Variants in PLS1 observed in about 807,000 individuals in gnomAD.
The protein encoded by PLS1 is plastin-1.
PLS1 carries 32 observed loss-of-function variants against 73.7 expected under a neutral mutation model. That is an observed-to-expected ratio of 0.43 (90% CI 0.33 to 0.58). PLS1 has a LOEUF of 0.58. Ranked by LOEUF, PLS1 falls within the 20% of genes least tolerant of loss-of-function variation. PLS1 has a pLI of 0.04. For synonymous variants in PLS1, 217 were observed against 261.3 expected (o/e 0.83, Z 1.63); for missense variants, 633 against 740.5 (o/e 0.85, Z 1.68).
At chr3:142,711,833 C>A in intron 15 of PLS1, 39 bp from the exon 16 acceptor site, 1 of 1,594,592 alleles carries the variant, frequency 6.3e-7, no homozygotes, top group Admixed American at 1.7e-5. Flanking sequence ...AGTGAAAACA[C>A]AGTGGATAAC....
In PLS1 at chr3:142,671,041, A is replaced by G; in HGVS notation, c.283A>G (p.Ile95Val). The G allele has an allele frequency of 6.2e-7, 1 of 1,603,676 alleles. No individual in the cohort carries two copies. Among genetic ancestry groups the G allele is most frequent in the Non-Finnish European group, 8.5e-7 (1 of 1,171,574 alleles). ...AGATATCAGCAAAACATTCCGAAAA[A>G]TAATTAACAAGAGGGAAGGGATTAC... ...SKDISKTFRK[I>V]INKREGITAI... Residue 95 changes from isoleucine (I) to valine (V), a missense_variant, in exon 4 of 16, where the codon ATA (isoleucine) becomes GTA (valine). Physicochemically the swap from Ile to Val is conservative, Grantham distance 29 (BLOSUM62 3). Transcript: ENST00000457734.
intron 1 of PLS1, among the ~76,000 whole-genome samples, chr3:142,663,660 T>TA (rs1172748495): frequency 1.3e-5 from 2 of 152,122 alleles, no homozygotes; most frequent in South Asian, 2.1e-4. Flanking sequence ...AATCATGCCA[T>TA]AAAAAAGAAG....
chr3:142,701,084 C>G (rs571451719), intron 12 of PLS1, among the ~76,000 whole-genome samples: 71 of 152,314 alleles, frequency 4.7e-4, no homozygotes, highest in South Asian at 1.0e-3. Context: ...TGAAAACAGA[C>G]TAATACAGTA....
At chr3:142,706,646 G>T (rs1194946309) in intron 14 of PLS1, among the ~76,000 whole-genome samples, 1 of 152,134 alleles carries the variant, frequency 6.6e-6, no homozygotes, top group Non-Finnish European at 1.5e-5. Context: ...TAGTGTAACT[G>T]CAAGGACAAT....
chr3:142,632,784 A>G (rs1384244584), intron 1 of PLS1, among the ~76,000 whole-genome samples: 1 of 152,104 alleles, frequency 6.6e-6, no homozygotes, highest in Non-Finnish European at 1.5e-5. Flanking sequence ...TTTTTAGTAG[A>G]AATGGGGTTT....
chr3:142,675,129 T>TA (rs1366667169), intron 4 of PLS1, among the ~76,000 whole-genome samples: 5 of 152,228 alleles, frequency 3.3e-5, no homozygotes, highest in African/African-American at 4.8e-5. Flanking sequence ...TGTTGTAAGC[T>TA]AAAAATCACA....
At chr3:142,706,350 C>T (rs191229053) in intron 14 of PLS1, among the ~76,000 whole-genome samples, 252 of 151,886 alleles carry the variant, frequency 1.7e-3, no homozygotes, top group African/African-American at 5.2e-3. Flanking sequence ...AGTGAAGAGC[C>T]GATAAAGACA....
At chr3:142,705,203 T>C (rs1274699560) in intron 14 of PLS1, among the ~76,000 whole-genome samples, 9 of 152,180 alleles carry the variant, frequency 5.9e-5, no homozygotes, top group Non-Finnish European at 1.5e-5. Context: ...AAAATCCAGT[T>C]ATCAAATGAA....
chr3:142,630,974 TAGAGGG>T (rs2036546823), intron 1 of PLS1, among the ~76,000 whole-genome samples: 1 of 61,130 alleles, frequency 1.6e-5, no homozygotes, highest in Non-Finnish European at 3.3e-5. Context: ...CACACACACA[TAGAGGG>T]AGAGTCAAAT....
rs1933135188 is a variant in PLS1, at chr3:142,711,671, C to G, written c.1754+46C>G. 5 of 1,512,208 alleles carry G rather than the reference C, an allele frequency of 3.3e-6. No homozygotes were observed. In the East Asian group the frequency reaches 1.1e-4, roughly 34 times the overall value. 93.7% of individuals were successfully genotyped at this position (1,512,208 alleles called of 1,614,324 possible). A position where few individuals can be genotyped will look rare whatever the true frequency, so the allele number is the denominator to read the frequency against. The stretch of plus-strand genomic sequence containing the variant: ...TTACAATACATGGCCCTTTAATTCT[C>G]TAAAATCCTTATAGGAAAAGTTACT... On this transcript the variant is annotated intron_variant, in intron 15 of 15. Coordinates refer to ENST00000457734, the MANE Select transcript of PLS1 (RefSeq NM_001145319.2).
chr3:142,646,611 C>T (rs1022882508), intron 1 of PLS1, among the ~76,000 whole-genome samples: 1 of 152,256 alleles, frequency 6.6e-6, no homozygotes, highest in Non-Finnish European at 1.5e-5. Context: ...GGGAACTAGA[C>T]TGTCATCCTC....
intron 1 of PLS1, among the ~76,000 whole-genome samples, chr3:142,655,409 G>C (rs1293359490): frequency 1.3e-5 from 2 of 152,080 alleles, no homozygotes; most frequent in African/African-American, 4.8e-5. Flanking sequence ...TTTTGTAGGA[G>C]ATTGTCAGGC....
chr3:142,636,779 G>C (rs913754119), intron 1 of PLS1, among the ~76,000 whole-genome samples: 2 of 152,128 alleles, frequency 1.3e-5, no homozygotes, highest in African/African-American at 4.8e-5. Flanking sequence ...ACACTTAACC[G>C]AAGAAGATAT....
intron 4 of PLS1, among the ~76,000 whole-genome samples, chr3:142,672,368 C>T (rs143948645): frequency 0.046 from 5,759 of 125,040 alleles, 399 homozygotes; most frequent in African/African-American, 0.17. Context: ...TTTGAGATGG[C>T]GTCTCGCTCT....
At chr3:142,705,188 T>TA (rs975502643) in intron 14 of PLS1, among the ~76,000 whole-genome samples, 7 of 151,880 alleles carry the variant, frequency 4.6e-5, no homozygotes, top group Admixed American at 2.6e-4. Context: ...AGAATAGAGC[T>TA]AAAAAAAATC....
chr3:142,635,823 G>C (rs1434825222), intron 1 of PLS1, among the ~76,000 whole-genome samples: 1 of 152,120 alleles, frequency 6.6e-6, no homozygotes, highest in Non-Finnish European at 1.5e-5. Flanking sequence ...AACAGAACTG[G>C]AGAACTAGTG....
chr3:142,610,948 T>C (rs2036111099), intron 1 of PLS1, among the ~76,000 whole-genome samples: 1 of 152,186 alleles, frequency 6.6e-6, no homozygotes, highest in African/African-American at 2.4e-5. Flanking sequence ...GTTGGCAAAC[T>C]TTTTCTGTAA....
At position 142,609,088 on chromosome 3, in the gene PLS1, T is replaced by A. The variant is rs545853014; in HGVS notation, c.-37+12579T>A. Among the ~76,000 whole-genome samples the A allele has an allele frequency of 7.9e-5, 12 of 152,336 alleles. No homozygotes were observed. In the South Asian group the frequency reaches 2.1e-3, roughly 26 times the overall value. Reference sequence around the variant, plus strand: ...AATAATAAAGTTGCATAGATAGTTGTCTGAGGAAGGTTTGGAAAATTTCCC... The same window carrying A: ...AATAATAAAGTTGCATAGATAGTTGACTGAGGAAGGTTTGGAAAATTTCCC... On this transcript the variant is annotated intron_variant, in intron 1 of 15. Coordinates refer to ENST00000457734, the MANE Select transcript of PLS1 (RefSeq NM_001145319.2).
At chr3:142,710,452 T>G (rs1158730877) in intron 14 of PLS1, among the ~76,000 whole-genome samples, 1 of 152,226 alleles carries the variant, frequency 6.6e-6, no homozygotes, top group Non-Finnish European at 1.5e-5. Context: ...TTTCCGTTTT[T>G]GTCTCTCCCA....
Sources: allele counts gnomAD v4.1 joint callset (sites outside exome capture counted in the v4.1 genomes callset), GRCh38; gene constraint gnomAD v4.1.1; transcripts MANE v1.5; gene names NCBI Gene and HGNC (gene_info 2026-07-23, HGNC 2026-07-21).